The following ROR2 variants were observed in gnomAD, a reference collection of about 807,000 sequenced individuals.
The protein encoded by ROR2 is ROR family WNT receptor 2, also known as tyrosine-protein kinase transmembrane receptor ROR2.
In ROR2, 33 loss-of-function variants were observed where a neutral mutation model predicts 74.9. The observed-to-expected ratio is 0.44, with a 90% confidence interval of 0.33 to 0.59. The LOEUF (loss-of-function observed/expected upper bound fraction) is 0.59, where lower values mean the gene tolerates loss of function less well. Ranked by LOEUF, ROR2 falls within the 20% of genes least tolerant of loss-of-function variation. The pLI is 0.02. For missense variants in ROR2, 1,216 were observed against 1,313.8 expected (o/e 0.93, Z 1.15); for synonymous variants, 586 against 558.7 (o/e 1.05, Z -0.69).
chr9:91,765,784 G>A (rs776929322), intron 2 of ROR2, among the ~76,000 whole-genome samples: 2 of 152,156 alleles, frequency 1.3e-5, no homozygotes, highest in African/African-American at 4.8e-5. Flanking sequence ...GTTCCCTCGT[G>A]GCTTGGTGTG....
intron 2 of ROR2, among the ~76,000 whole-genome samples, chr9:91,762,144 AC>A (rs1460536573): frequency 6.6e-6 from 1 of 152,018 alleles, no homozygotes; most frequent in African/African-American, 2.4e-5. Flanking sequence ...GCATCACTCC[AC>A]CCTCTGCTTC....
At chr9:91,829,134 T>A (rs1239188432) in intron 1 of ROR2, among the ~76,000 whole-genome samples, 1 of 152,180 alleles carries the variant, frequency 6.6e-6, no homozygotes, top group Non-Finnish European at 1.5e-5. Flanking sequence ...CTGTCCCACC[T>A]CCAAGCCAAT....
At chr9:91,915,321 G>A (rs1231945188) in intron 1 of ROR2, among the ~76,000 whole-genome samples, 1 of 152,174 alleles carries the variant, frequency 6.6e-6, no homozygotes, top group Admixed American at 6.5e-5. Flanking sequence ...AGAGGTTGGT[G>A]CATTTCCATC....
chr9:91,883,359 A>G (rs1830174350), intron 1 of ROR2: 1 of 152,188 alleles, frequency 6.6e-6, no homozygotes, highest in Non-Finnish European at 1.5e-5. Flanking sequence ...ATCACTCTTC[A>G]TGTTTCCCAC....
chr9:91,919,424 G>A (rs931408072), intron 1 of ROR2, among the ~76,000 whole-genome samples: 5 of 152,106 alleles, frequency 3.3e-5, no homozygotes, highest in Admixed American at 1.3e-4. Flanking sequence ...TAATAACAAC[G>A]GTTCAGGAGA....
intron 1 of ROR2, among the ~76,000 whole-genome samples, chr9:91,777,389 CCACA>C (rs112876626): frequency 1.2e-4 from 18 of 149,946 alleles, no homozygotes; most frequent in South Asian, 6.4e-4. Context: ...AACAAAACTG[CCACA>C]CACACACACA....
chr9:91,792,559 T>C (rs142852384), intron 1 of ROR2, among the ~76,000 whole-genome samples: 7,939 of 152,202 alleles, frequency 0.052, 286 homozygotes, highest in Middle Eastern at 0.11. Flanking sequence ...CCGCCCACCT[T>C]GGCCTCCCAA....
intron 1 of ROR2, among the ~76,000 whole-genome samples, chr9:91,828,639 G>A (rs547794072): frequency 7.9e-5 from 12 of 152,240 alleles, no homozygotes; most frequent in African/African-American, 2.9e-4. Flanking sequence ...ACTTGAACCC[G>A]GGAGGAAGAG....
rs748691494 is a variant in ROR2, at chr9:91,724,553, C to T, written c.1941G>A (p.Lys647=). The change falls in exon 9 of 9, where the codon AAG becomes AAA. Residue 647 remains lysine (K), a synonymous_variant. Transcript: ENST00000375708. ...TAGGCAGCAGCGAGTTCCCCAGCAG[C>T]TTGTAGTAATCGGCGGCATACACCT... ...FREVYAADYY[K]LLGNSLLPIR... 6.2e-7 allele frequency: 1 copy of T among 1,614,206 alleles called. No individual in the cohort carries two copies. Among genetic ancestry groups the T allele is most frequent in the Non-Finnish European group, 8.5e-7 (1 of 1,180,048 alleles).
intron 4 of ROR2, among the ~76,000 whole-genome samples, chr9:91,744,213 CTTTTTT>C (rs1167780367): frequency 1.1e-5 from 1 of 89,080 alleles, no homozygotes; most frequent in African/African-American, 4.5e-5. Flanking sequence ...AATTTGTTAA[CTTTTTT>C]TTTTTTTTTT....
rs139168739 is a variant in ROR2, at chr9:91,747,986, G to A, written c.494+8085C>T. ...AATTTCAGTTAGAAGGAGGACTAAG[G>A]TCAAGAGATCGGTTTTACAACATGA... On this transcript the variant is annotated intron_variant, in intron 4 of 8. Coordinates refer to ENST00000375708, the MANE Select transcript of ROR2 (RefSeq NM_004560.4). Among the ~76,000 whole-genome samples, 70 of 152,294 alleles carry A rather than the reference G, an allele frequency of 4.6e-4. No homozygotes were observed. The East Asian group carries it at 0.012, about 26-fold the overall frequency.
At chr9:91,862,990 G>A (rs1455453040) in intron 1 of ROR2, among the ~76,000 whole-genome samples, 4 of 152,182 alleles carry the variant, frequency 2.6e-5, no homozygotes, top group African/African-American at 7.2e-5. Flanking sequence ...TTAGCCATCC[G>A]TGAAATGCCA....
intron 1 of ROR2, among the ~76,000 whole-genome samples, chr9:91,779,368 C>CTT (rs57414414): frequency 0.015 from 2,022 of 133,670 alleles, 58 homozygotes; most frequent in African/African-American, 0.051. Context: ...TTATACTTTT[C>CTT]TTTTTTTTTT....
At chr9:91,896,173 A>G (rs1200044210) in intron 1 of ROR2, among the ~76,000 whole-genome samples, 1 of 152,228 alleles carries the variant, frequency 6.6e-6, no homozygotes, top group African/African-American at 2.4e-5. Context: ...AAATTCACGC[A>G]GTGCATACAA....
chr9:91,848,670 G>A (rs775938817), intron 1 of ROR2, among the ~76,000 whole-genome samples: 3 of 151,486 alleles, frequency 2.0e-5, no homozygotes, highest in East Asian at 3.9e-4. Flanking sequence ...AGGGAGAATC[G>A]CTTGAACCTG....
intron 1 of ROR2, among the ~76,000 whole-genome samples, chr9:91,818,120 C>T (rs1828006386): frequency 6.6e-6 from 1 of 152,200 alleles, no homozygotes; most frequent in African/African-American, 2.4e-5. Flanking sequence ...TTTAAAGAAT[C>T]ATGACTCGCT....
intron 1 of ROR2, among the ~76,000 whole-genome samples, chr9:91,910,664 A>T (rs1830953188): frequency 6.9e-6 from 1 of 145,122 alleles, no homozygotes; most frequent in African/African-American, 2.9e-5. Flanking sequence ...TAAAATATGT[A>T]ATACTTTTTT....
At position 91,751,183 on chromosome 9, in the gene ROR2, A is replaced by AGG. The variant is rs1242367480; in HGVS notation, c.494+4887_494+4888insCC. ...CAGTCACTATAAGAGGGTCCCTATC[A>AGG]GTGAAAAGAACTAACCTTCACTCGG... On this transcript the variant is annotated intron_variant, in intron 4 of 8. Coordinates refer to ENST00000375708, the MANE Select transcript of ROR2 (RefSeq NM_004560.4). 2.0e-3 allele frequency among the ~76,000 whole-genome samples: 309 copies of AGG among 152,302 alleles called. 2 individuals are homozygous for AGG. Among genetic ancestry groups the AGG allele is most frequent in the Non-Finnish European group, 2.6e-3 (176 of 68,012 alleles).
intron 1 of ROR2, among the ~76,000 whole-genome samples, chr9:91,791,388 C>T (rs559276314): frequency 5.6e-4 from 86 of 152,306 alleles, no homozygotes; most frequent in South Asian, 4.6e-3. Flanking sequence ...TGTGTAAATA[C>T]ACTCTATGAT....
Sources: allele counts gnomAD v4.1 joint callset (sites outside exome capture counted in the v4.1 genomes callset), GRCh38; gene constraint gnomAD v4.1.1; transcripts MANE v1.5; gene names NCBI Gene and HGNC (gene_info 2026-07-23, HGNC 2026-07-21).